The following BRS3 variants were observed in gnomAD, a reference collection of about 807,000 sequenced individuals.
BRS3 encodes bombesin receptor subtype 3.
In BRS3, 5 loss-of-function variants were observed where a neutral mutation model predicts 18.8. The ratio of observed to expected loss-of-function variants is 0.27; its 90% confidence interval spans 0.14 to 0.56. The LOEUF (loss-of-function observed/expected upper bound fraction) is 0.56. Among genes scored for constraint, BRS3 ranks in the 20% least tolerant of loss-of-function variants. The pLI is 0.93. For missense variants in BRS3, 215 were observed against 296.3 expected, an observed-to-expected ratio of 0.73 and a Z score of 2.01; for synonymous variants, 121 against 115.0, an observed-to-expected ratio of 1.05 and a Z score of -0.33.
chrX:136,488,877 A>G (rs977769700), intron 1 of BRS3, among the ~76,000 whole-genome samples: 5 of 112,235 alleles, frequency 4.5e-5, no homozygotes, highest in African/African-American at 1.6e-4. Context: ...AAAAAAATTC[A>G]TGCTTTATAC....
rs761645319 is a variant in BRS3 at position 136,492,412 on chromosome X, G to C, written c.*37G>C. The C allele has an allele frequency of 1.7e-6, 2 of 1,166,022 alleles. No homozygotes were observed. Among genetic ancestry groups the C allele is most frequent in the East Asian group, 6.0e-5 (2 of 33,585 alleles). On this transcript the variant is annotated 3_prime_UTR_variant, in exon 3 of 3. Transcript: ENST00000370648. Reference sequence around the variant, plus strand: ...AAAATGCTGCTTCTCCTCCCAGCGTGTGTATCCGACTCTAAGCTGTGTGCA... The same window carrying C: ...AAAATGCTGCTTCTCCTCCCAGCGTCTGTATCCGACTCTAAGCTGTGTGCA...
rs2075676319 is a variant in BRS3 at position 136,493,322 on chromosome X, G to A, written c.*947G>A. On this transcript the variant is annotated 3_prime_UTR_variant, in exon 3 of 3. Transcript: ENST00000370648. ...GGGTGCCTAAGTCCTGTAAGTGTAT[G>A]GCCTAATTAATCTCTGCCCATGGAA... 9.0e-6 allele frequency: 1 copy of A among 110,909 alleles called. No individual in the cohort carries two copies. The highest frequency in any genetic ancestry group is 3.3e-5 in the African/African-American group (1 of 30,469). The allele number at this position is 110,909 out of a possible 1,213,427, so 9.1% of individuals were successfully genotyped here. A position where few individuals can be genotyped will look rare whatever the true frequency, so the allele number is the denominator to read the frequency against.
rs767481730 is a variant in BRS3 at position 136,492,084 on chromosome X, C to T, written c.909C>T (p.Asp303=). The T allele has an allele frequency of 1.7e-6, 2 of 1,210,493 alleles. No homozygotes were observed. Among genetic ancestry groups the T allele is most frequent in the African/African-American group, 1.7e-5 (1 of 57,342 alleles). Residue 303 remains aspartate, a synonymous_variant, in exon 3 of 3, where the codon GAC becomes GAT. Coordinates refer to ENST00000370648, the MANE Select transcript of BRS3 (RefSeq NM_001727.2). ...YHSFTSQTYV[D]PSAMHFIFTI... is the part of the protein sequence containing the mutation. ...CATTCACTTCTCAAACCTATGTAGA[C>T]CCCTCTGCCATGCATTTCATTTTCA... is the stretch of plus-strand genomic sequence containing the variant.
chrX:136,490,173 A>G lies in BRS3; in HGVS notation c.475A>G (p.Asn159Asp). ...VVKPLERQPS[N>D]AILKTCVKAG... The stretch of plus-strand genomic sequence containing the variant: ...GAAGCCACTTGAGCGACAGCCCTCC[A>G]ATGCCATCCTGAAGACTTGTGTAAA... Residue 159 changes from asparagine (N) to aspartate (D), a missense_variant, in exon 2 of 3, where the codon AAT becomes GAT. Coordinates refer to ENST00000370648, the MANE Select transcript of BRS3 (RefSeq NM_001727.2). 2.5e-6 allele frequency: 3 copies of G among 1,206,737 alleles called. No individual in the cohort carries two copies. The highest frequency in any genetic ancestry group is 3.4e-6 in the Non-Finnish European group (3 of 891,845).
chrX:136,490,249 T>A lies in BRS3; in HGVS notation c.551T>A (p.Ile184Lys). The A allele has an allele frequency of 8.3e-7, 1 of 1,211,339 alleles. No individual in the cohort carries two copies. Among genetic ancestry groups the A allele is most frequent in the Non-Finnish European group, 1.1e-6 (1 of 894,832 alleles). Residue 184 changes from isoleucine (I) to lysine (K), a missense_variant, in exon 2 of 3, where the codon ATA becomes AAA. Ile to Lys is a moderately radical substitution (Grantham distance 102, BLOSUM62 -3). This residue lies in a region of BRS3 where 123 missense variants were observed against 207.6 expected (regional missense o/e 0.59). Coordinates refer to ENST00000370648, the MANE Select transcript of BRS3 (RefSeq NM_001727.2). Reference protein sequence around the residue: ...VSMIFALPEAIFSNVYTFRDP... With the variant: ...VSMIFALPEAKFSNVYTFRDP... ...ATGATATTTGCTCTACCTGAGGCTA[T>A]ATTTTCAAATGTATACACTTTTCGA...
rs1421906725 is a variant in BRS3, at chrX:136,488,537, C to T, written c.423C>T (p.Leu141=). The T allele has an allele frequency of 7.5e-6, 9 of 1,195,786 alleles. No individual in the cohort carries two copies. The highest frequency in any genetic ancestry group is 2.3e-5 in the Admixed American group (1 of 44,034). ...TGTCAGTGTTCACATTAACAATTCT[C>T]AGCGCTGACAGGTGAGTTTCTTTTC... ...VGVSVFTLTI[L]SADRYKAVVK... The change falls in exon 1 of 3, where the codon CTC becomes CTT. Residue 141 remains leucine, a synonymous_variant. Transcript: ENST00000370648.
chrX:136,492,660 A>C lies in BRS3; in HGVS notation c.*285A>C. ...AGTCAAATGGGAAGGAAGGTGTAATAAACAAGATGAAACTTAAAAATCTCA... is the reference window on the plus strand; with the variant it reads ...AGTCAAATGGGAAGGAAGGTGTAATCAACAAGATGAAACTTAAAAATCTCA... On this transcript the variant is annotated 3_prime_UTR_variant, in exon 3 of 3. Coordinates refer to ENST00000370648, the MANE Select transcript of BRS3 (RefSeq NM_001727.2). The C allele has an allele frequency of 4.1e-6, 1 of 244,481 alleles. No homozygotes were observed. The allele number at this position is 244,481 out of a possible 1,213,427, so 20.1% of individuals were successfully genotyped here.
chrX:136,491,841 A>G (rs912604017), intron 2 of BRS3, 121 bp from the exon 3 acceptor site: 22 of 791,952 alleles, frequency 2.8e-5, no homozygotes, highest in Non-Finnish European at 3.5e-5. Context: ...TTTCTATGTA[A>G]ATTTATAGGA....
At chrX:136,488,671 A>C (rs2075660465) in intron 1 of BRS3, 123 bp downstream of exon 1, 17 of 698,464 alleles carry the variant, frequency 2.4e-5, no homozygotes, top group Non-Finnish European at 3.5e-5. Context: ...CGTGGATGTG[A>C]GATTGGAAAA....
chrX:136,490,264 A>C lies in BRS3; in HGVS notation c.566A>C (p.Tyr189Ser), dbSNP rs1184723993. The C allele has an allele frequency of 1.7e-6, 2 of 1,210,575 alleles. No individual in the cohort carries two copies. Among genetic ancestry groups the C allele is most frequent in the South Asian group, 3.5e-5 (2 of 56,973 alleles). ...CCTGAGGCTATATTTTCAAATGTAT[A>C]CACTTTTCGAGATCCCAATAAAAAT... ...ALPEAIFSNV[Y>S]TFRDPNKNMT... The change falls in exon 2 of 3, where the codon TAC becomes TCC. Residue 189 changes from tyrosine (Y) to serine (S), a missense_variant. By Grantham distance (144) the Tyr-to-Ser change is moderately radical. Transcript: ENST00000370648.
In BRS3 at chrX:136,493,079, A is replaced by AAT. The variant is rs1249953851; in HGVS notation, c.*706_*707dup. 1 of 112,531 alleles carries AAT rather than the reference A, an allele frequency of 8.9e-6. No individual in the cohort carries two copies. Among genetic ancestry groups the AAT allele is most frequent in the Non-Finnish European group, 1.9e-5 (1 of 53,361 alleles). The allele number at this position is 112,531 out of a possible 1,213,427, so 9.3% of individuals were successfully genotyped here. Reference sequence around the variant, plus strand: ...AGGAACTTGCCTTATTCATAGGCAGAATAAGTGGTCATGTTTATGGTGTCA... The same window carrying AAT: ...AGGAACTTGCCTTATTCATAGGCAGAATATAAGTGGTCATGTTTATGGTGTCA... On this transcript the variant is annotated 3_prime_UTR_variant, in exon 3 of 3. Coordinates refer to ENST00000370648, the MANE Select transcript of BRS3 (RefSeq NM_001727.2).
chrX:136,488,739 C>T (rs1006052588), intron 1 of BRS3, among the ~76,000 whole-genome samples, 191 bp downstream of exon 1: 2 of 112,281 alleles, frequency 1.8e-5, no homozygotes, highest in African/African-American at 6.5e-5. Flanking sequence ...TGTGTTAGCA[C>T]GGAGGAGAAG....
Position 136,492,787 on chromosome X carries a change from T to C in BRS3, c.*412T>C, listed in dbSNP as rs781580959. 8 of 119,521 alleles carry C rather than the reference T, an allele frequency of 6.7e-5. No homozygotes were observed. In the South Asian group the frequency reaches 2.1e-3, roughly 32 times the overall value. The allele number at this position is 119,521 out of a possible 1,213,427, so 9.8% of individuals were successfully genotyped here. The stretch of plus-strand genomic sequence containing the variant: ...CTGTGTGGTGTAAATCTAGAGATAC[T>C]TTGTATGTGAAAAGGGGATCACAAA... On this transcript the variant is annotated 3_prime_UTR_variant, in exon 3 of 3. Coordinates refer to ENST00000370648, the MANE Select transcript of BRS3 (RefSeq NM_001727.2).
chrX:136,491,924 T>TG, intron 2 of BRS3, 38 bp from the exon 3 acceptor site: 1 of 638,831 alleles, frequency 1.6e-6, no homozygotes. Context: ...TTTTTTTTTT[T>TG]TTTTTTTTTT....
Position 136,491,942 on chromosome X carries a change from T to A in BRS3, c.787-20T>A. The A allele has an allele frequency of 1.5e-5, 8 of 535,040 alleles. No homozygotes were observed. The highest frequency in any genetic ancestry group is 5.1e-5 in the Admixed American group (1 of 19,778). 44.1% of individuals were successfully genotyped at this position (535,040 alleles called of 1,213,427 possible). ...TTTTTTTTTTTTTTTTTTTTTTTGC[T>A]ATGTTTCTTCCCCCTATAGATTGAA... On this transcript the variant is annotated intron_variant, in intron 2 of 2. Transcript: ENST00000370648.
chrX:136,493,265 T>A lies in BRS3; in HGVS notation c.*890T>A, dbSNP rs1478489477. On this transcript the variant is annotated 3_prime_UTR_variant, in exon 3 of 3. Transcript: ENST00000370648. ...CCCTGGGTGTGCAATTGTGATCAGA[T>A]CATCTTCCTGCTTGACTTTATTAAA... The A allele has an allele frequency of 9.0e-6, 1 of 111,496 alleles. No homozygotes were observed. The highest frequency in any genetic ancestry group is 2.8e-4 in the East Asian group (1 of 3,564). The allele number at this position is 111,496 out of a possible 1,213,427, so 9.2% of individuals were successfully genotyped here.
Position 136,492,784 on chromosome X carries a change from T to G in BRS3, c.*409T>G. On this transcript the variant is annotated 3_prime_UTR_variant, in exon 3 of 3. Transcript: ENST00000370648. ...TTACTGTGTGGTGTAAATCTAGAGATACTTTGTATGTGAAAAGGGGATCAC... is the reference window on the plus strand; with the variant it reads ...TTACTGTGTGGTGTAAATCTAGAGAGACTTTGTATGTGAAAAGGGGATCAC... The G allele has an allele frequency of 8.3e-6, 1 of 121,077 alleles. No homozygotes were observed. 10.0% of individuals were successfully genotyped at this position (121,077 alleles called of 1,213,427 possible).
In BRS3 at chrX:136,492,063, C is replaced by T. The variant is rs2075672584; in HGVS notation, c.888C>T (p.Phe296=). The T allele has an allele frequency of 1.7e-6, 2 of 1,207,202 alleles. No individual in the cohort carries two copies. The highest frequency in any genetic ancestry group is 2.2e-5 in the Admixed American group (1 of 45,423). The stretch of plus-strand genomic sequence containing the variant: ...ACCTCCTGTACCTCTACCATTCATT[C>T]ACTTCTCAAACCTATGTAGACCCCT... The part of the protein sequence containing the change: ...PNHLLYLYHS[F]TSQTYVDPSA... The change falls in exon 3 of 3, where the codon TTC becomes TTT. Residue 296 remains phenylalanine, a synonymous_variant. Coordinates refer to ENST00000370648, the MANE Select transcript of BRS3 (RefSeq NM_001727.2).
rs374372531 is a variant in BRS3 at position 136,492,122 on chromosome X, G to A, written c.947G>A (p.Arg316Gln). ...CATTTCATTTTCACCATTTTCTCTC[G>A]GGTTTTGGCTTTCAGCAATTCTTGC... ...AMHFIFTIFS[R>Q]VLAFSNSCVN... Residue 316 changes from arginine to glutamine, a missense_variant, in exon 3 of 3, where the codon CGG becomes CAG. Physicochemically the swap from Arg to Gln is conservative, Grantham distance 43. This residue lies in a region of BRS3 where 123 missense variants were observed against 207.6 expected (regional missense o/e 0.59). Transcript: ENST00000370648. The A allele has an allele frequency of 7.5e-6, 9 of 1,207,382 alleles. No individual in the cohort carries two copies. The highest frequency in any genetic ancestry group is 5.9e-5 in the East Asian group (2 of 33,721).
Sources: allele counts gnomAD v4.1 joint callset (sites outside exome capture counted in the v4.1 genomes callset), GRCh38; gene constraint gnomAD v4.1.1; regional missense constraint gnomAD v4.1.1; transcripts MANE v1.5; gene names NCBI Gene and HGNC (gene_info 2026-07-23, HGNC 2026-07-21).